The following PTPRT variants were observed in gnomAD, a reference collection of about 807,000 sequenced individuals.
PTPRT encodes the protein protein tyrosine phosphatase receptor type T.
Under a neutral mutation model 176.8 loss-of-function variants are expected in PTPRT, and 56 were observed. That is an observed-to-expected ratio of 0.32 (90% CI 0.26 to 0.40). The LOEUF (loss-of-function observed/expected upper bound fraction) is 0.40. PTPRT is among the 10% of genes least tolerant of loss of function. PTPRT has a pLI of 1.00. For missense variants in PTPRT, 1,540 were observed against 1,908.2 expected, an observed-to-expected ratio of 0.81 and a Z score of 3.60; for synonymous variants, 783 against 739.0, an observed-to-expected ratio of 1.06 and a Z score of -0.96.
intron 7 of PTPRT, among the ~76,000 whole-genome samples, chr20:42,635,400 A>G (rs950925296): frequency 1.3e-5 from 2 of 152,074 alleles, no homozygotes; most frequent in African/African-American, 2.4e-5. Flanking sequence ...AAAATTGAAG[A>G]AAAAAAAGAA....
chr20:42,967,016 CTCA>C (rs1212332542), intron 1 of PTPRT, among the ~76,000 whole-genome samples: 1 of 152,206 alleles, frequency 6.6e-6, no homozygotes, highest in Non-Finnish European at 1.5e-5. Context: ...GTATTATCTA[CTCA>C]TCAGACTTTG....
chr20:42,365,103 G>T (rs955607386), intron 9 of PTPRT, among the ~76,000 whole-genome samples: 1 of 152,104 alleles, frequency 6.6e-6, no homozygotes, highest in Admixed American at 6.6e-5. Flanking sequence ...TTAACCCAAG[G>T]TATCCACAAT....
At chr20:42,928,636 C>A (rs1407540847) in intron 1 of PTPRT, among the ~76,000 whole-genome samples, 1 of 152,000 alleles carries the variant, frequency 6.6e-6, no homozygotes, top group Non-Finnish European at 1.5e-5. Context: ...AAGAAGGGGT[C>A]AAAAAGAAAG....
intron 2 of PTPRT, among the ~76,000 whole-genome samples, chr20:42,874,029 T>C (rs1184383366): frequency 1.3e-5 from 2 of 152,138 alleles, no homozygotes; most frequent in Non-Finnish European, 2.9e-5. Context: ...CATTTAAAAA[T>C]GAAAGGTTCA....
At chr20:42,514,605 C>A (rs932747368) in intron 7 of PTPRT, among the ~76,000 whole-genome samples, 2 of 152,154 alleles carry the variant, frequency 1.3e-5, no homozygotes, top group Non-Finnish European at 1.5e-5. Flanking sequence ...AACGTTTTAA[C>A]ACATTTGATT....
intron 1 of PTPRT, among the ~76,000 whole-genome samples, chr20:43,040,832 C>T (rs1454876952): frequency 5.9e-5 from 9 of 152,204 alleles, no homozygotes; most frequent in Non-Finnish European, 1.2e-4. Context: ...ACTCATGATT[C>T]CTGAGGATAC....
intron 4 of PTPRT, 48 bp from the exon 5 acceptor site, chr20:42,771,598 C>T (rs1194863404): frequency 1.3e-6 from 2 of 1,489,280 alleles, no homozygotes; most frequent in East Asian, 4.5e-5. Context: ...CGACAGCCTG[C>T]ACCACTTCCC....
chr20:42,692,449 T>C (rs1157418477), intron 6 of PTPRT, among the ~76,000 whole-genome samples: 3 of 152,210 alleles, frequency 2.0e-5, no homozygotes, highest in Admixed American at 1.3e-4. Flanking sequence ...AAAAATCACA[T>C]AGTTGTCTCA....
chr20:43,045,761 A>G (rs1393221100), intron 1 of PTPRT, among the ~76,000 whole-genome samples: 1 of 151,886 alleles, frequency 6.6e-6, no homozygotes, highest in Non-Finnish European at 1.5e-5. Flanking sequence ...CCACACCTGG[A>G]CAATCCCTAC....
Position 42,083,196 on chromosome 20 carries a change from C to T in PTPRT, c.4137-1179G>A, listed in dbSNP as rs773726427. ...GGAGAGAAAGGTCTCCTATGAAAGACGGTTCTATCATTTCTGAAGCAAGAA... is the reference window on the plus strand; with the variant it reads ...GGAGAGAAAGGTCTCCTATGAAAGATGGTTCTATCATTTCTGAAGCAAGAA... On this transcript the variant is annotated intron_variant, in intron 29 of 30. Coordinates refer to ENST00000373187, the MANE Select transcript of PTPRT (RefSeq NM_007050.6). Among the ~76,000 whole-genome samples, 10 of 146,406 alleles carry T rather than the reference C, an allele frequency of 6.8e-5. No homozygotes were observed. The East Asian group carries it at 1.8e-3, about 27-fold the overall frequency.
chr20:42,322,737 A>G (rs1480037572), intron 11 of PTPRT, among the ~76,000 whole-genome samples: 2 of 152,070 alleles, frequency 1.3e-5, no homozygotes, highest in African/African-American at 4.8e-5. Flanking sequence ...AGCAATGGCA[A>G]CAAAAGCCAA....
intron 7 of PTPRT, among the ~76,000 whole-genome samples, chr20:42,473,207 C>T (rs1409275030): frequency 6.6e-6 from 1 of 152,188 alleles, no homozygotes; most frequent in Admixed American, 6.5e-5. Context: ...CCTGGTCCCT[C>T]TGGGAACATC....
chr20:43,021,898 C>G (rs1568738129), intron 1 of PTPRT, among the ~76,000 whole-genome samples: 1 of 151,770 alleles, frequency 6.6e-6, no homozygotes, highest in Non-Finnish European at 1.5e-5. Flanking sequence ...ACATAGTGTC[C>G]CTGTTGTCAC....
Position 42,277,879 on chromosome 20 carries a change from T to A in PTPRT, c.2176+4610A>T, listed in dbSNP as rs574693425. Among the ~76,000 whole-genome samples the A allele has an allele frequency of 6.8e-4, 90 of 131,434 alleles. 2 individuals carry two copies. In the South Asian group the frequency reaches 0.022, roughly 32 times the overall value. The allele number at this position is 131,434 out of a possible 152,430, so 86.2% of individuals were successfully genotyped here. A position where few individuals can be genotyped will look rare whatever the true frequency, so the allele number is the denominator to read the frequency against. On this transcript the variant is annotated intron_variant, in intron 13 of 30. Coordinates refer to ENST00000373187, the MANE Select transcript of PTPRT (RefSeq NM_007050.6). ...TGGAAGAATAATGACCTGTTAGTCA[T>A]CCACTCATCCATCCATCCATCCATC... is the stretch of plus-strand genomic sequence containing the variant.
Position 43,096,164 on chromosome 20 carries a change from C to A in PTPRT, c.88+93482G>T, listed in dbSNP as rs1484891568. Among the ~76,000 whole-genome samples the A allele has an allele frequency of 4.7e-5, 7 of 150,088 alleles. 1 individual carries two copies. On this transcript the variant is annotated intron_variant, in intron 1 of 30. Transcript: ENST00000373187. ...CCTCTCCCTGTTCCCCCTTCTTCTA[C>A]TCTATCTCCCCGCCTTGCTCCCTCA...
chr20:42,861,760 G>A (rs1009906308), intron 2 of PTPRT, among the ~76,000 whole-genome samples: 1 of 152,168 alleles, frequency 6.6e-6, no homozygotes, highest in Non-Finnish European at 1.5e-5. Context: ...ACTGCTCACA[G>A]AAGGTGACAT....
intron 1 of PTPRT, among the ~76,000 whole-genome samples, chr20:42,939,891 T>C (rs566894962): frequency 3.9e-5 from 6 of 152,292 alleles, no homozygotes; most frequent in African/African-American, 9.6e-5. Flanking sequence ...AATAGATAAA[T>C]AGATATAATC....
chr20:42,352,050 AC>A, intron 10 of PTPRT, 33 bp downstream of exon 10: 1 of 1,594,740 alleles, frequency 6.3e-7, no homozygotes, highest in Non-Finnish European at 8.6e-7. Flanking sequence ...GGGTGAAACA[AC>A]CTTTTTTCCT....
chr20:42,231,202 C>T (rs2056127915), intron 15 of PTPRT, among the ~76,000 whole-genome samples: 1 of 152,238 alleles, frequency 6.6e-6, no homozygotes, highest in Non-Finnish European at 1.5e-5. Flanking sequence ...GGCAGACAGA[C>T]TTGCATTTGG....
Sources: gnomAD v4.1 joint callset for allele counts (sites outside exome capture counted in the v4.1 genomes callset) on GRCh38, gnomAD v4.1.1 for gene constraint, MANE v1.5 for transcripts, NCBI Gene and HGNC (gene_info 2026-07-23, HGNC 2026-07-21) for gene names.